Variants in MFSD2B observed in about 807,000 individuals in gnomAD.
The protein encoded by MFSD2B is MFSD2 lysolipid transporter B, sphingolipid, also known as sphingosine-1-phosphate transporter MFSD2B.
MFSD2B carries 56 observed loss-of-function variants against 58.4 expected under a neutral mutation model. The ratio of observed to expected loss-of-function variants is 0.96; its 90% CI spans 0.77 to 1.20. MFSD2B has a LOEUF of 1.20. Among genes scored for constraint, MFSD2B ranks in the 50% most tolerant of loss-of-function variants. The probability of loss-of-function intolerance (pLI) is 0.00; values close to 1 mark genes in which losing one functional copy is unlikely to be tolerated. For missense variants in MFSD2B, 645 were observed against 667.6 expected (o/e 0.97, Z 0.37); for synonymous variants, 287 against 294.4 (o/e 0.97, Z 0.26).
Position 24,021,618 on chromosome 2 carries a change from C to T in MFSD2B, c.682-30C>T, listed in dbSNP as rs1364988332. The stretch of plus-strand genomic sequence containing the variant: ...CACCACCTCCAGGGGTTGAAGACAT[C>T]ACCCATCCCAGTCCTGTCCTGTCCC... On this transcript the variant is annotated intron_variant, in intron 6 of 13. Transcript: ENST00000338315. The surrounding 1 kb of genome is among the most constrained non-coding windows in gnomAD (Gnocchi z 5.7). 6.3e-7 allele frequency: 1 copy of T among 1,587,710 alleles called. No homozygotes were observed. Among genetic ancestry groups the T allele is most frequent in the Non-Finnish European group, 8.6e-7 (1 of 1,163,028 alleles).
At chr2:24,015,286 A>T (rs550133743) in intron 2 of MFSD2B, among the ~76,000 whole-genome samples, 137 of 151,924 alleles carry the variant, frequency 9.0e-4, no homozygotes, top group African/African-American at 3.2e-3. Context: ...AAAAAAAAAA[A>T]TTTAAAAATA....
Position 24,012,445 on chromosome 2 carries a change from T to C in MFSD2B, c.97-840T>C, listed in dbSNP as rs1049378420. On this transcript the variant is annotated intron_variant, in intron 1 of 13. Coordinates refer to ENST00000338315, the MANE Select transcript of MFSD2B (RefSeq NM_001346880.2). This position sits in a 1 kb window ranked among gnomAD's most constrained non-coding sequence, Gnocchi z 4.5. The stretch of plus-strand genomic sequence containing the variant: ...TTCTAGTAGAGATGGGGTTTTGCCA[T>C]GTTGGGCAGGCTGGTCTTCAACTCC... Among the ~76,000 whole-genome samples the C allele has an allele frequency of 3.3e-5, 5 of 152,126 alleles. No homozygotes were observed. Among genetic ancestry groups the C allele is most frequent in the South Asian group, 2.1e-4 (1 of 4,828 alleles).
In MFSD2B at chr2:24,024,269, G is replaced by T. The variant is rs368848763; in HGVS notation, c.1488G>T (p.Arg496=). The part of the protein sequence containing the change: ...SRDASSRLSL[R]RRTSYSLA ...ACGCCTCCAGCCGGCTGAGCCTTCGGAGGTAAGCCCCGCACGCCCCCTGCA... is the reference window on the plus strand; with the variant it reads ...ACGCCTCCAGCCGGCTGAGCCTTCGTAGGTAAGCCCCGCACGCCCCCTGCA... The change falls in exon 13 of 14, where the codon CGG becomes CGT. Residue 496 remains arginine (R), a splice_region_variant and synonymous_variant. Coordinates refer to ENST00000338315, the MANE Select transcript of MFSD2B (RefSeq NM_001346880.2). The surrounding 1 kb of genome is among the most constrained non-coding windows in gnomAD (Gnocchi z 4.3). 1.2e-6 allele frequency: 2 copies of T among 1,601,308 alleles called. No homozygotes were observed. The highest frequency in any genetic ancestry group is 2.3e-5 in the East Asian group (1 of 44,264).
chr2:24,024,314 G>T lies in MFSD2B; in HGVS notation c.1490+43G>T. On this transcript the variant is annotated intron_variant, in intron 13 of 13. Coordinates refer to ENST00000338315, the MANE Select transcript of MFSD2B (RefSeq NM_001346880.2). The surrounding 1 kb of genome is among the most constrained non-coding windows in gnomAD (Gnocchi z 4.3). Reference sequence around the variant, plus strand: ...CCTGCAGCCAGCGAGGCACAGTGTGGGCTGCTGGGGGAATGACTAACACCA... The same window carrying T: ...CCTGCAGCCAGCGAGGCACAGTGTGTGCTGCTGGGGGAATGACTAACACCA... 1 of 1,545,636 alleles carries T rather than the reference G, an allele frequency of 6.5e-7. No individual in the cohort carries two copies. The highest frequency in any genetic ancestry group is 8.7e-7 in the Non-Finnish European group (1 of 1,146,128).
In MFSD2B at chr2:24,023,500, C is replaced by G. The variant is rs1662873557; in HGVS notation, c.1170-83C>G. Reference sequence around the variant, plus strand: ...TGGGCACAGAACTCAGGGATGAATCCACTTTGGCCTCCGTCCCCAGAGAAT... The same window carrying G: ...TGGGCACAGAACTCAGGGATGAATCGACTTTGGCCTCCGTCCCCAGAGAAT... On this transcript the variant is annotated intron_variant, in intron 11 of 13. Coordinates refer to ENST00000338315, the MANE Select transcript of MFSD2B (RefSeq NM_001346880.2). This position sits in a 1 kb window ranked among gnomAD's most constrained non-coding sequence, Gnocchi z 5.0. The G allele has an allele frequency of 6.8e-7, 1 of 1,479,746 alleles. No homozygotes were observed. Among genetic ancestry groups the G allele is most frequent in the Admixed American group, 2.0e-5 (1 of 49,074 alleles). 91.7% of individuals were successfully genotyped at this position (1,479,746 alleles called of 1,614,324 possible).
Position 24,016,295 on chromosome 2 carries a change from A to G in MFSD2B, c.347+15A>G, listed in dbSNP as rs1709143316. ...CTCATGCCTTGGTGAGCAACCGCTC[A>G]GTCCTTAGGATCCAGGCACCTGGTC... On this transcript the variant is annotated intron_variant, in intron 3 of 13. Coordinates refer to ENST00000338315, the MANE Select transcript of MFSD2B (RefSeq NM_001346880.2). 2 of 1,610,512 alleles carry G rather than the reference A, an allele frequency of 1.2e-6. No homozygotes were observed. The highest frequency in any genetic ancestry group is 1.7e-6 in the Non-Finnish European group (2 of 1,177,974).
In MFSD2B at chr2:24,022,372, C is replaced by A. The variant is rs1322256281; in HGVS notation, c.895-61C>A. The A allele has an allele frequency of 7.3e-7, 1 of 1,371,646 alleles. No homozygotes were observed. Among genetic ancestry groups the A allele is most frequent in the Non-Finnish European group, 1.0e-6 (1 of 975,162 alleles). 85.0% of individuals were successfully genotyped at this position (1,371,646 alleles called of 1,614,324 possible). A position where few individuals can be genotyped will look rare whatever the true frequency, so the allele number is the denominator to read the frequency against. ...TGCCAGACTCCAGACCCTGTCCTTGCCCTTGACTTCTGAGCTCCTGCCATG... is the reference window on the plus strand; with the variant it reads ...TGCCAGACTCCAGACCCTGTCCTTGACCTTGACTTCTGAGCTCCTGCCATG... On this transcript the variant is annotated intron_variant, in intron 8 of 13. Coordinates refer to ENST00000338315, the MANE Select transcript of MFSD2B (RefSeq NM_001346880.2). The surrounding 1 kb of genome is among the most constrained non-coding windows in gnomAD (Gnocchi z 4.5).
intron 2 of MFSD2B, 114 bp downstream of exon 2, chr2:24,013,524 G>T: frequency 2.6e-6 from 3 of 1,174,212 alleles, no homozygotes; most frequent in Non-Finnish European, 3.4e-6. Flanking sequence ...TCTGACACGA[G>T]CTCAACAAAA....
chr2:24,013,760 GT>G (rs10581925), intron 2 of MFSD2B, among the ~76,000 whole-genome samples: 59,187 of 138,816 alleles, frequency 0.43, 12,360 homozygotes, highest in African/African-American at 0.46. Flanking sequence ...GAATTTTTTT[GT>G]TTTTTTTTTT....
chr2:24,010,126 G>T lies in MFSD2B; in HGVS notation c.30G>T (p.Lys10Asn). Residue 10 changes from lysine to asparagine, a missense_variant, in exon 1 of 14, where the codon AAG becomes AAT. Physicochemically the swap from Lys to Asn is moderately conservative, Grantham distance 94. Transcript: ENST00000338315. The stretch of plus-strand genomic sequence containing the variant: ...CGGCGCCCCCTGCACCAGCCGCCAA[G>T]GGGTCCCCGCAGCCGGAGCCGCACG... MAAPPAPAA[K>N]GSPQPEPHAP... 1 of 1,462,338 alleles carries T rather than the reference G, an allele frequency of 6.8e-7. No homozygotes were observed. The highest frequency in any genetic ancestry group is 1.3e-5 in the South Asian group (1 of 74,924). 90.6% of individuals were successfully genotyped at this position (1,462,338 alleles called of 1,614,324 possible).
At position 24,010,111 on chromosome 2, in the gene MFSD2B, T is replaced by C; in HGVS notation, c.15T>C (p.Pro5=). The change falls in exon 1 of 14, where the codon CCT becomes CCC. Residue 5 remains proline (P), a synonymous_variant. Coordinates refer to ENST00000338315, the MANE Select transcript of MFSD2B (RefSeq NM_001346880.2). ...CTGCGGTGGCAATGGCGGCGCCCCCTGCACCAGCCGCCAAGGGGTCCCCGC... is the reference window on the plus strand; with the variant it reads ...CTGCGGTGGCAATGGCGGCGCCCCCCGCACCAGCCGCCAAGGGGTCCCCGC... MAAP[P]APAAKGSPQP... 1 of 1,459,262 alleles carries C rather than the reference T, an allele frequency of 6.9e-7. No homozygotes were observed. Among genetic ancestry groups the C allele is most frequent in the Non-Finnish European group, 9.0e-7 (1 of 1,112,232 alleles). The allele number at this position is 1,459,262 out of a possible 1,614,324, so 90.4% of individuals were successfully genotyped here.
chr2:24,014,043 C>T (rs1461764116), intron 2 of MFSD2B, among the ~76,000 whole-genome samples: 4 of 151,080 alleles, frequency 2.6e-5, no homozygotes, highest in Non-Finnish European at 5.9e-5. Flanking sequence ...GATGGAGTCT[C>T]GCTCTGTCAC....
In MFSD2B at chr2:24,023,454, C is replaced by A; in HGVS notation, c.1170-129C>A. On this transcript the variant is annotated intron_variant, in intron 11 of 13. Transcript: ENST00000338315. This position sits in a 1 kb window ranked among gnomAD's most constrained non-coding sequence, Gnocchi z 5.0. ...GTACGAGCACACAGGCCATCTGCTTCTCTGGTGGCCAGTCTGGTCCTGGGC... is the reference window on the plus strand; with the variant it reads ...GTACGAGCACACAGGCCATCTGCTTATCTGGTGGCCAGTCTGGTCCTGGGC... 2.6e-6 allele frequency: 3 copies of A among 1,165,814 alleles called. No homozygotes were observed. Among genetic ancestry groups the A allele is most frequent in the Non-Finnish European group, 3.6e-6 (3 of 830,692 alleles). The allele number at this position is 1,165,814 out of a possible 1,614,324, so 72.2% of individuals were successfully genotyped here.
chr2:24,024,207 C>T lies in MFSD2B; in HGVS notation c.1426C>T (p.Leu476Phe). 1 of 1,613,474 alleles carries T rather than the reference C, an allele frequency of 6.2e-7. No homozygotes were observed. The highest frequency in any genetic ancestry group is 8.5e-7 in the Non-Finnish European group (1 of 1,179,662). ...TCMILAGLCI[L>F]MVGSTPKTPS... ...CATGATCCTTGCTGGGCTCTGCATC[C>T]TCATGGTCGGCTCCACTCCAAAGAC... Residue 476 changes from leucine (L) to phenylalanine (F), a missense_variant, in exon 13 of 14, where the codon CTC (leucine) becomes TTC (phenylalanine). Transcript: ENST00000338315. This position sits in a 1 kb window ranked among gnomAD's most constrained non-coding sequence, Gnocchi z 4.3.
At position 24,017,065 on chromosome 2, in the gene MFSD2B, C is replaced by T; in HGVS notation, c.471+97C>T. ...CTGTGGGGGCAGGGCTGCCGCCCTC[C>T]CCACCCGCCTGTGCCTGGACCATGC... is the stretch of plus-strand genomic sequence containing the variant. On this transcript the variant is annotated intron_variant, in intron 4 of 13. Transcript: ENST00000338315. This position sits in a 1 kb window ranked among gnomAD's most constrained non-coding sequence, Gnocchi z 4.8. 1 of 1,478,090 alleles carries T rather than the reference C, an allele frequency of 6.8e-7. No individual in the cohort carries two copies. Among genetic ancestry groups the T allele is most frequent in the South Asian group, 1.3e-5 (1 of 76,868 alleles). The allele number at this position is 1,478,090 out of a possible 1,614,324, so 91.6% of individuals were successfully genotyped here.
In MFSD2B at chr2:24,025,503, G is replaced by C. The variant is rs922981091; in HGVS notation, c.*47G>C. 2.6e-6 allele frequency: 4 copies of C among 1,519,734 alleles called. No individual in the cohort carries two copies. The highest frequency in any genetic ancestry group is 3.5e-6 in the Non-Finnish European group (4 of 1,132,058). 94.1% of individuals were successfully genotyped at this position (1,519,734 alleles called of 1,614,324 possible). On this transcript the variant is annotated 3_prime_UTR_variant, in exon 14 of 14. Coordinates refer to ENST00000338315, the MANE Select transcript of MFSD2B (RefSeq NM_001346880.2). The stretch of plus-strand genomic sequence containing the variant: ...ATGGACACAGGAGCCAGCACCCTCG[G>C]GGCCTGACATCGCCCTCCTCAGCCC...
rs1558322359 is a variant in MFSD2B, at chr2:24,017,234, C to T, written c.472-52C>T. 4 of 1,527,758 alleles carry T rather than the reference C, an allele frequency of 2.6e-6. No homozygotes were observed. In the South Asian group the frequency reaches 4.8e-5, roughly 18 times the overall value. The allele number at this position is 1,527,758 out of a possible 1,614,324, so 94.6% of individuals were successfully genotyped here. ...GACACCCAGGATGGGGGAGGTCGCCCGCTGTCACCAGGCAAAGCTGGGGGC... is the reference window on the plus strand; with the variant it reads ...GACACCCAGGATGGGGGAGGTCGCCTGCTGTCACCAGGCAAAGCTGGGGGC... On this transcript the variant is annotated intron_variant, in intron 4 of 13. Coordinates refer to ENST00000338315, the MANE Select transcript of MFSD2B (RefSeq NM_001346880.2). This position sits in a 1 kb window ranked among gnomAD's most constrained non-coding sequence, Gnocchi z 4.8.
chr2:24,013,416 T>C lies in MFSD2B; in HGVS notation c.222+6T>C, dbSNP rs1438863154. ...TCCTGCTTGATATAGCACAGGTAAGTGTGGGCAGTAGCCCAGTCTCTGCTG... is the reference window on the plus strand; with the variant it reads ...TCCTGCTTGATATAGCACAGGTAAGCGTGGGCAGTAGCCCAGTCTCTGCTG... On this transcript the variant is annotated splice_donor_region_variant and intron_variant, in intron 2 of 13. Coordinates refer to ENST00000338315, the MANE Select transcript of MFSD2B (RefSeq NM_001346880.2). 1.3e-6 allele frequency: 2 copies of C among 1,597,088 alleles called. No homozygotes were observed. Among genetic ancestry groups the C allele is most frequent in the Non-Finnish European group, 1.7e-6 (2 of 1,169,408 alleles).
In MFSD2B at chr2:24,012,166, ACACACAC is replaced by A. The variant is rs1413586876; in HGVS notation, c.97-1118_97-1112del. Among the ~76,000 whole-genome samples, 5 of 71,140 alleles carry A rather than the reference ACACACAC, an allele frequency of 7.0e-5. No homozygotes were observed. The highest frequency in any genetic ancestry group is 1.4e-4 in the Non-Finnish European group (4 of 27,938). 46.7% of individuals were successfully genotyped at this position (71,140 alleles called of 152,430 possible). A position where few individuals can be genotyped will look rare whatever the true frequency, so the allele number is the denominator to read the frequency against. ...AAACAAACAAAACACACACACACAC[ACACACAC>A]ACACACAAAAACAGACAAAAAAACC... On this transcript the variant is annotated intron_variant, in intron 1 of 13. Coordinates refer to ENST00000338315, the MANE Select transcript of MFSD2B (RefSeq NM_001346880.2). The surrounding 1 kb of genome is among the most constrained non-coding windows in gnomAD (Gnocchi z 4.5).
Sources: allele counts gnomAD v4.1 joint callset (sites outside exome capture counted in the v4.1 genomes callset), GRCh38; gene constraint gnomAD v4.1.1; non-coding constraint Gnocchi (gnomAD v3.1); transcripts MANE v1.5; gene names NCBI Gene and HGNC (gene_info 2026-07-23, HGNC 2026-07-21).